Variants in GET1 observed in about 807,000 individuals in gnomAD.
GET1 encodes guided entry of tail-anchored proteins factor 1.
GET1 carries 20 observed loss-of-function variants against 22.6 expected under a neutral mutation model. The ratio of observed to expected loss-of-function variants is 0.89; its 90% CI spans 0.62 to 1.29. GET1 has a LOEUF of 1.29. GET1 is among the 50% of genes most tolerant of loss of function. The pLI, the probability that GET1 is intolerant of heterozygous loss-of-function variation, is 0.00. For missense variants in GET1, 209 were observed against 219.9 expected, an observed-to-expected ratio of 0.95 and a Z score of 0.31; for synonymous variants, 92 against 83.8, an observed-to-expected ratio of 1.10 and a Z score of -0.53.
downstream of GET1, among the ~76,000 whole-genome samples, chr21:39,401,688 C>T (rs563013558): frequency 4.7e-4 from 72 of 152,332 alleles, no homozygotes; most frequent in African/African-American, 1.6e-3. Context: ...AGGTCTGTGG[C>T]AACCCTGCAT....
chr21:39,382,405 AAAC>A (rs1038146444), intron 1 of GET1, among the ~76,000 whole-genome samples: 18 of 152,334 alleles, frequency 1.2e-4, no homozygotes, highest in East Asian at 3.9e-4. Flanking sequence ...CGCACTCATT[AAAC>A]AACAACTTTC....
chr21:39,418,500 A>AT (rs1031301609), intron 1 of GET1, among the ~76,000 whole-genome samples: 18 of 151,618 alleles, frequency 1.2e-4, no homozygotes, highest in Non-Finnish European at 2.4e-4. Flanking sequence ...TTTTTATTTT[A>AT]TTTTTTTTAA....
intron 1 of GET1, 99 bp from the exon 2 acceptor site, chr21:39,390,599 A>G (rs1829456186): frequency 6.7e-7 from 1 of 1,488,080 alleles, no homozygotes. Flanking sequence ...TGGCTGGGTC[A>G]CAGAGTGGTC....
intron 4 of GET1, chr21:39,405,756 G>A (rs1181915897): frequency 4.7e-5 from 30 of 633,338 alleles, no homozygotes; most frequent in South Asian, 1.5e-4. Context: ...TTTAATTATC[G>A]AAAGTCAATT....
downstream of GET1, among the ~76,000 whole-genome samples, chr21:39,408,258 G>C (rs926532616): frequency 6.6e-6 from 1 of 152,150 alleles, no homozygotes; most frequent in African/African-American, 2.4e-5. Flanking sequence ...TCAAGTGTAA[G>C]GGCAGAATAA....
intron 1 of GET1, among the ~76,000 whole-genome samples, chr21:39,385,528 C>T (rs910480610): frequency 2.6e-5 from 4 of 152,214 alleles, no homozygotes; most frequent in Non-Finnish European, 5.9e-5. Flanking sequence ...TTGAGAGCGC[C>T]TAGTTCATTC....
chr21:39,424,652 C>T (rs1435772445), intron 1 of GET1, among the ~76,000 whole-genome samples: 2 of 152,098 alleles, frequency 1.3e-5, no homozygotes, highest in African/African-American at 4.8e-5. Flanking sequence ...CTTATATATT[C>T]AAAATGACCC....
intron 4 of GET1, among the ~76,000 whole-genome samples, chr21:39,394,240 G>A (rs1264489180): frequency 1.3e-5 from 2 of 152,108 alleles, no homozygotes; most frequent in Admixed American, 1.3e-4. Context: ...TGAGGTGTGA[G>A]AATCACTTGA....
downstream of GET1, among the ~76,000 whole-genome samples, chr21:39,401,056 A>G (rs1230259188): frequency 6.6e-6 from 1 of 151,992 alleles, no homozygotes. Flanking sequence ...GATTACAGGC[A>G]TGCGCCACCA....
At chr21:39,383,141 A>G (rs866490541) in intron 1 of GET1, among the ~76,000 whole-genome samples, 1 of 151,848 alleles carries the variant, frequency 6.6e-6, no homozygotes, top group Non-Finnish European at 1.5e-5. Context: ...TTTTTAGTAG[A>G]GACGAGGTTT....
At chr21:39,391,985 C>T in intron 3 of GET1, 149 bp downstream of exon 3, 1 of 688,800 alleles carries the variant, frequency 1.5e-6, no homozygotes, top group Non-Finnish European at 2.5e-6. Flanking sequence ...TCTAAACACT[C>T]TCGGTCTCTA....
downstream of GET1, among the ~76,000 whole-genome samples, chr21:39,411,522 G>A (rs2040084664): frequency 6.6e-6 from 1 of 152,146 alleles, no homozygotes. Context: ...GCTGAGGATG[G>A]GAGAACGGGA....
At chr21:39,414,740 C>CTGTGTGTG (rs796818060) in intron 1 of GET1, among the ~76,000 whole-genome samples, 285 of 104,088 alleles carry the variant, frequency 2.7e-3, no homozygotes, top group Non-Finnish European at 3.3e-3. Context: ...CTCTCTCTCT[C>CTGTGTGTG]TCTGTGTGTG....
chr21:39,400,868 G>A (rs574088525), downstream of GET1, among the ~76,000 whole-genome samples: 26 of 152,180 alleles, frequency 1.7e-4, no homozygotes, highest in Non-Finnish European at 2.9e-4. Context: ...GGACTCTAAA[G>A]GGTAGGGTAA....
chr21:39,389,928 A>G (rs535865541), intron 1 of GET1, among the ~76,000 whole-genome samples: 2 of 152,116 alleles, frequency 1.3e-5, no homozygotes, highest in African/African-American at 4.8e-5. Context: ...ATTGGTTTTC[A>G]TTTCACAATT....
chr21:39,415,683 A>C (rs2041005352), intron 1 of GET1, among the ~76,000 whole-genome samples: 1 of 152,244 alleles, frequency 6.6e-6, no homozygotes, highest in Non-Finnish European at 1.5e-5. Flanking sequence ...TGTTTGAATT[A>C]GAATCTAAAC....
chr21:39,417,536 A>G (rs954192282), intron 1 of GET1, among the ~76,000 whole-genome samples: 2 of 152,076 alleles, frequency 1.3e-5, no homozygotes, highest in Non-Finnish European at 2.9e-5. Context: ...TGCTTCCTTT[A>G]TCTTAAATAG....
In GET1 at chr21:39,397,222, T is replaced by G. The variant is rs549777319; in HGVS notation, c.*283T>G. 1 of 338,724 alleles carries G rather than the reference T, an allele frequency of 3.0e-6. No homozygotes were observed. The highest frequency in any genetic ancestry group is 2.1e-5 in the African/African-American group (1 of 46,800). 21.0% of individuals were successfully genotyped at this position (338,724 alleles called of 1,614,324 possible). A position where few individuals can be genotyped will look rare whatever the true frequency, so the allele number is the denominator to read the frequency against. ...GAAATGTTTAGGGACATCTCCATGCTGTCACTTGTGATTTGCCCTCTTATG... is the reference window on the plus strand; with the variant it reads ...GAAATGTTTAGGGACATCTCCATGCGGTCACTTGTGATTTGCCCTCTTATG... On this transcript the variant is annotated 3_prime_UTR_variant, in exon 5 of 5. Coordinates refer to ENST00000649170, the MANE Select transcript of GET1 (RefSeq NM_004627.6).
chr21:39,392,031 G>A (rs112399391), intron 3 of GET1, 195 bp downstream of exon 3: 274 of 558,578 alleles, frequency 4.9e-4, no homozygotes, highest in Non-Finnish European at 7.3e-4. Context: ...CTTGAGGAGA[G>A]TTGTTAAAGT....
Sources: allele counts gnomAD v4.1 joint callset (sites outside exome capture counted in the v4.1 genomes callset), GRCh38; gene constraint gnomAD v4.1.1; transcripts MANE v1.5; gene names NCBI Gene and HGNC (gene_info 2026-07-23, HGNC 2026-07-21).